Variants in SCAPER observed in about 807,000 individuals in gnomAD.
SCAPER encodes S-phase cyclin A associated protein in the ER, also known as S phase cyclin A-associated protein in the endoplasmic reticulum.
In SCAPER, 98 loss-of-function variants were observed where a neutral mutation model predicts 182.2. That is an observed-to-expected ratio of 0.54 (90% CI 0.46 to 0.64). The LOEUF is 0.64. Among genes scored for constraint, SCAPER ranks in the 30% least tolerant of loss-of-function variants. SCAPER has a pLI of 0.00. For synonymous variants in SCAPER, 605 were observed against 564.6 expected, an observed-to-expected ratio of 1.07 and a Z score of -1.01; for missense variants, 1,432 against 1,690.0, an observed-to-expected ratio of 0.85 and a Z score of 2.68.
intron 17 of SCAPER, among the ~76,000 whole-genome samples, chr15:76,712,012 C>G (rs985115822): frequency 6.6e-6 from 1 of 152,074 alleles, no homozygotes; most frequent in African/African-American, 2.4e-5. Context: ...AGTCCTTGCC[C>G]ATGCCTATGT....
intron 5 of SCAPER, among the ~76,000 whole-genome samples, chr15:76,834,703 C>T (rs189068676): frequency 1.3e-5 from 2 of 152,084 alleles, no homozygotes; most frequent in Admixed American, 6.6e-5. Flanking sequence ...ACACAATTGG[C>T]AATGACAAAG....
Position 76,771,949 on chromosome 15 carries a change from T to C in SCAPER, c.1041A>G (p.Thr347=). 1 of 1,606,584 alleles carries C rather than the reference T, an allele frequency of 6.2e-7. No homozygotes were observed. The highest frequency in any genetic ancestry group is 1.3e-5 in the African/African-American group (1 of 74,920). The change falls in exon 10 of 32, where the codon ACA becomes ACG. Residue 347 remains threonine (T), a synonymous_variant. Transcript: ENST00000563290. ...DHPLAEKTQF[T]VSTLDDVKNS... ...TCTTCACATCATCCAATGTACTCAC[T>C]GTGAACTAACAAAACGTAGAGAATG...
chr15:76,658,199 A>G (rs921511918), intron 21 of SCAPER, among the ~76,000 whole-genome samples: 2 of 152,158 alleles, frequency 1.3e-5, no homozygotes, highest in African/African-American at 2.4e-5. Context: ...TAGATCTGAT[A>G]AAAAACTTCA....
intron 23 of SCAPER, among the ~76,000 whole-genome samples, chr15:76,538,973 A>G (rs946065599): frequency 6.6e-6 from 1 of 152,072 alleles, no homozygotes; most frequent in African/African-American, 2.4e-5. Context: ...AGTAGGTCCT[A>G]TCTGTTCCTA....
At chr15:76,796,167 A>G (rs1427050180) in intron 7 of SCAPER, among the ~76,000 whole-genome samples, 1 of 152,232 alleles carries the variant, frequency 6.6e-6, no homozygotes, top group East Asian at 1.9e-4. Flanking sequence ...ATGAACCAAA[A>G]GCATGATGCC....
At chr15:76,526,197 T>C (rs2043182386) in intron 23 of SCAPER, among the ~76,000 whole-genome samples, 1 of 152,202 alleles carries the variant, frequency 6.6e-6, no homozygotes, top group South Asian at 2.1e-4. Flanking sequence ...GGTAACTATA[T>C]TTCCTTATCT....
At chr15:76,829,611 T>C (rs2068283848) in intron 5 of SCAPER, among the ~76,000 whole-genome samples, 1 of 152,124 alleles carries the variant, frequency 6.6e-6, no homozygotes, top group African/African-American at 2.4e-5. Flanking sequence ...GAAATCCCAA[T>C]GCATCTGCTT....
At chr15:76,540,530 A>AT (rs1194554519) in intron 23 of SCAPER, among the ~76,000 whole-genome samples, 1 of 152,066 alleles carries the variant, frequency 6.6e-6, no homozygotes, top group Non-Finnish European at 1.5e-5. Flanking sequence ...CTATATTTTT[A>AT]TTTTTTTAAT....
intron 8 of SCAPER, chr15:76,793,474 C>G (rs2065128699): frequency 1.9e-6 from 1 of 520,216 alleles, no homozygotes; most frequent in Admixed American, 3.7e-5. Flanking sequence ...AGGAAAGGAG[C>G]TGAAGGTTAG....
At chr15:76,664,996 G>T (rs1423559914) in intron 21 of SCAPER, among the ~76,000 whole-genome samples, 1 of 152,112 alleles carries the variant, frequency 6.6e-6, no homozygotes, top group Non-Finnish European at 1.5e-5. Context: ...AAAGTATACG[G>T]ACATATTCAG....
rs17362258 is a variant in SCAPER at position 76,354,505 on chromosome 15, C to T, written c.3856-365G>A. 1,856 of 187,034 alleles carry T rather than the reference C, an allele frequency of 9.9e-3. 13 individuals are homozygous for T. Among genetic ancestry groups the T allele is most frequent in the Non-Finnish European group, 0.013 (1,187 of 92,224 alleles). The allele number at this position is 187,034 out of a possible 1,614,324, so 11.6% of individuals were successfully genotyped here. Reference sequence around the variant, plus strand: ...GCAGAGTAGTCATATTCCTTAAAACCTGCAAAGAGTTCACTCACAAGAAAG... The same window carrying T: ...GCAGAGTAGTCATATTCCTTAAAACTTGCAAAGAGTTCACTCACAAGAAAG... On this transcript the variant is annotated intron_variant, in intron 29 of 31. Coordinates refer to ENST00000563290, the MANE Select transcript of SCAPER (RefSeq NM_020843.4). This position sits in a 1 kb window ranked among gnomAD's most constrained non-coding sequence, Gnocchi z 4.4.
chr15:76,780,223 C>A (rs188166528), intron 8 of SCAPER, among the ~76,000 whole-genome samples: 1 of 152,256 alleles, frequency 6.6e-6, no homozygotes, highest in Non-Finnish European at 1.5e-5. Context: ...CCAGGAGATT[C>A]TCTCCCGCGC....
At chr15:76,702,234 G>C (rs897818755) in intron 19 of SCAPER, among the ~76,000 whole-genome samples, 1 of 151,880 alleles carries the variant, frequency 6.6e-6, no homozygotes, top group Non-Finnish European at 1.5e-5. Context: ...TAAGTTTGAA[G>C]GTTCAAGTCT....
intron 21 of SCAPER, among the ~76,000 whole-genome samples, chr15:76,629,805 A>G (rs8042717): frequency 6.6e-6 from 1 of 152,102 alleles, no homozygotes; most frequent in Admixed American, 6.6e-5. Flanking sequence ...CTCCCTTTCA[A>G]TTTTTTGGAA....
At position 76,513,802 on chromosome 15, in the gene SCAPER, C is replaced by T. The variant is rs1441525741; in HGVS notation, c.2839-8828G>A. Among the ~76,000 whole-genome samples, 25 of 152,258 alleles carry T rather than the reference C, an allele frequency of 1.6e-4. 1 individual carries two copies. The East Asian group carries it at 3.1e-3, about 19-fold the overall frequency. On this transcript the variant is annotated intron_variant, in intron 23 of 31. Transcript: ENST00000563290. ...AATCCTTAACCATAATTATCTTCTCCGTTCAAACTGCCACCTTTCCAACTT... is the reference window on the plus strand; with the variant it reads ...AATCCTTAACCATAATTATCTTCTCTGTTCAAACTGCCACCTTTCCAACTT...
intron 2 of SCAPER, among the ~76,000 whole-genome samples, chr15:76,872,541 G>A (rs2072801676): frequency 6.6e-6 from 1 of 151,714 alleles, no homozygotes; most frequent in Non-Finnish European, 1.5e-5. Flanking sequence ...GTAAACAGTG[G>A]AGCACCTTTA....
At chr15:76,883,925 C>T in intron 1 of SCAPER, 49 bp from the exon 2 acceptor site, 1 of 829,444 alleles carries the variant, frequency 1.2e-6, no homozygotes. Flanking sequence ...ACCAGAAAAC[C>T]ATAATTATTC....
At chr15:76,826,873 A>G (rs1007196640) in intron 5 of SCAPER, among the ~76,000 whole-genome samples, 1 of 152,212 alleles carries the variant, frequency 6.6e-6, no homozygotes, top group African/African-American at 2.4e-5. Context: ...CACATAATTT[A>G]GTTTTACAGC....
At chr15:76,575,375 G>C (rs1499020) in intron 22 of SCAPER, among the ~76,000 whole-genome samples, 147,624 of 152,258 alleles carry the variant, frequency 0.97, 71,716 homozygotes, top group South Asian at 1. Context: ...CTCTTCAAAA[G>C]TCCACCCTTT....
Sources: allele counts gnomAD v4.1 joint callset (sites outside exome capture counted in the v4.1 genomes callset), GRCh38; gene constraint gnomAD v4.1.1; non-coding constraint Gnocchi (gnomAD v3.1); transcripts MANE v1.5; gene names NCBI Gene and HGNC (gene_info 2026-07-23, HGNC 2026-07-21).